AKAP13: variants seen among roughly 807,000 people sequenced by gnomAD.
AKAP13 encodes the protein A-kinase anchoring protein 13, also known as A-kinase anchor protein 13.
AKAP13 carries 80 observed loss-of-function variants against 264.5 expected under a neutral mutation model. The ratio of observed to expected loss-of-function variants is 0.30; its 90% CI spans 0.25 to 0.36. AKAP13 has a LOEUF of 0.36. Among genes scored for constraint, AKAP13 ranks in the 10% least tolerant of loss-of-function variants. The probability of loss-of-function intolerance (pLI) is 1.00; values close to 1 mark genes in which losing one functional copy is unlikely to be tolerated. For missense variants in AKAP13, 3,712 were observed against 3,435.2 expected (o/e 1.08, Z -2.01); for synonymous variants, 1,380 against 1,250.2 (o/e 1.10, Z -2.19).
chr15:85,541,997 G>A (rs2077594045), intron 4 of AKAP13, among the ~76,000 whole-genome samples: 2 of 152,194 alleles, frequency 1.3e-5, no homozygotes. Flanking sequence ...AGTGGTTGTG[G>A]GAGGGTGGTA....
At chr15:85,459,507 C>T (rs1269986499) in intron 1 of AKAP13, among the ~76,000 whole-genome samples, 1 of 141,264 alleles carries the variant, frequency 7.1e-6, no homozygotes, top group Non-Finnish European at 1.5e-5. Context: ...CCTGCTTTTT[C>T]TTTTTTTTTT....
intron 1 of AKAP13, among the ~76,000 whole-genome samples, chr15:85,386,307 T>A (rs566758319): frequency 1.1e-3 from 161 of 152,194 alleles, no homozygotes; most frequent in African/African-American, 2.7e-3. Flanking sequence ...AGTTATTATT[T>A]TTTTTTTTAG....
chr15:85,636,252 A>T (rs1018771387), intron 8 of AKAP13, among the ~76,000 whole-genome samples: 2 of 152,124 alleles, frequency 1.3e-5, no homozygotes, highest in Non-Finnish European at 2.9e-5. Flanking sequence ...GTGTCTGGCA[A>T]CCTTGCTTTT....
chr15:85,410,730 A>T (rs751451709), intron 1 of AKAP13, among the ~76,000 whole-genome samples: 10 of 151,462 alleles, frequency 6.6e-5, no homozygotes, highest in Non-Finnish European at 1.3e-4. Context: ...CTGGTTTTTC[A>T]GGGCCTAACT....
chr15:85,434,446 G>A (rs2073175495), intron 1 of AKAP13, among the ~76,000 whole-genome samples: 2 of 152,234 alleles, frequency 1.3e-5, no homozygotes, highest in Admixed American at 6.5e-5. Flanking sequence ...CAGCCGGGAA[G>A]CTCGAACTGG....
At chr15:85,697,393 A>AC (rs2085624549) in intron 17 of AKAP13, among the ~76,000 whole-genome samples, 1 of 152,130 alleles carries the variant, frequency 6.6e-6, no homozygotes, top group African/African-American at 2.4e-5. Context: ...ACATGGTGAA[A>AC]CCCCGTCTCT....
chr15:85,743,879 A>C, intron 36 of AKAP13, 54 bp downstream of exon 36: 1 of 1,542,064 alleles, frequency 6.5e-7, no homozygotes, highest in South Asian at 1.3e-5. Context: ...GCATTCTGAG[A>C]GAGGGTAGAT....
chr15:85,516,604 A>G (rs1271402009), intron 2 of AKAP13, among the ~76,000 whole-genome samples: 1 of 152,110 alleles, frequency 6.6e-6, no homozygotes, highest in Non-Finnish European at 1.5e-5. Flanking sequence ...TGTCTCTTAA[A>G]TGGGCCTGCC....
chr15:85,614,665 T>C (rs2080859088), intron 8 of AKAP13, among the ~76,000 whole-genome samples: 2 of 152,240 alleles, frequency 1.3e-5, no homozygotes, highest in Non-Finnish European at 2.9e-5. Context: ...GTTTCATTTC[T>C]TGGGGGATTT....
Position 85,581,302 on chromosome 15 carries a change from T to C in AKAP13, c.3234T>C (p.Thr1078=). Residue 1078 remains threonine, a synonymous_variant, in exon 7 of 37, where the codon ACT becomes ACC. Transcript: ENST00000394518. ...GVKNTQSQGK[T]SACEVSGDVT... ...AGAACACTCAATCCCAGGGAAAAAC[T>C]AGTGCCTGTGAGGTGAGTGGAGATG... 1 of 1,614,172 alleles carries C rather than the reference T, an allele frequency of 6.2e-7. No individual in the cohort carries two copies. The highest frequency in any genetic ancestry group is 8.5e-7 in the Non-Finnish European group (1 of 1,180,022).
intron 1 of AKAP13, among the ~76,000 whole-genome samples, chr15:85,433,117 GTT>G (rs199655190): frequency 2.0e-3 from 109 of 53,214 alleles, no homozygotes; most frequent in Middle Eastern, 0.012. Context: ...CTTCTGTACA[GTT>G]TTTTTTTTTT....
At chr15:85,572,322 A>G (rs1261291321) in intron 5 of AKAP13, among the ~76,000 whole-genome samples, 1 of 152,224 alleles carries the variant, frequency 6.6e-6, no homozygotes, top group Admixed American at 6.5e-5. Context: ...CTGCCACACA[A>G]TAAGGCATGT....
intron 14 of AKAP13, among the ~76,000 whole-genome samples, chr15:85,679,124 C>A (rs545860110): frequency 6.6e-6 from 1 of 151,890 alleles, no homozygotes; most frequent in African/African-American, 2.4e-5. Context: ...TCCTGTAATC[C>A]CAGCTATTCA....
chr15:85,659,254 A>G (rs1433864232), intron 12 of AKAP13, among the ~76,000 whole-genome samples: 1 of 152,186 alleles, frequency 6.6e-6, no homozygotes, highest in Non-Finnish European at 1.5e-5. Context: ...TTTCCGTTGG[A>G]TTTTCTTTAG....
At chr15:85,625,866 G>C (rs1418885691) in intron 8 of AKAP13, among the ~76,000 whole-genome samples, 1 of 152,182 alleles carries the variant, frequency 6.6e-6, no homozygotes, top group Non-Finnish European at 1.5e-5. Context: ...TTGATGAATA[G>C]AACCAAGACT....
At chr15:85,656,827 C>A (rs1467372187) in intron 11 of AKAP13, among the ~76,000 whole-genome samples, 1 of 152,130 alleles carries the variant, frequency 6.6e-6, no homozygotes, top group Non-Finnish European at 1.5e-5. Context: ...TATGGTAGTG[C>A]CTACTATATT....
chr15:85,632,306 A>T (rs2081873985), intron 8 of AKAP13, among the ~76,000 whole-genome samples: 1 of 152,216 alleles, frequency 6.6e-6, no homozygotes, highest in African/African-American at 2.4e-5. Context: ...ATGCTGTGTC[A>T]CAGCTGAGAA....
intron 23 of AKAP13, 116 bp downstream of exon 23, chr15:85,719,442 G>A (rs1334970866): frequency 1.5e-6 from 2 of 1,358,974 alleles, no homozygotes; most frequent in Non-Finnish European, 9.9e-7. Flanking sequence ...TGTAAGCTCA[G>A]GGAACTTATT....
At chr15:85,675,829 A>G (rs1317009573) in intron 14 of AKAP13, among the ~76,000 whole-genome samples, 2 of 152,186 alleles carry the variant, frequency 1.3e-5, no homozygotes, top group African/African-American at 4.8e-5. Flanking sequence ...AATCATTTAC[A>G]TTGATTAAGT....
Sources: allele counts gnomAD v4.1 joint callset (sites outside exome capture counted in the v4.1 genomes callset), GRCh38; gene constraint gnomAD v4.1.1; transcripts MANE v1.5; gene names NCBI Gene and HGNC (gene_info 2026-07-23, HGNC 2026-07-21).